Variants in TSPYL4 observed in about 807,000 individuals in gnomAD.
TSPYL4 encodes the protein TSPY like 4, also known as testis-specific Y-encoded-like protein 4.
A neutral mutation model predicts 24.2 loss-of-function variants in TSPYL4; 22 were observed. The observed-to-expected ratio is 0.91, with a 90% confidence interval of 0.65 to 1.30. TSPYL4 has a LOEUF of 1.30. Among genes scored for constraint, TSPYL4 ranks in the 50% most tolerant of loss-of-function variants. The pLI is 0.00. For missense variants in TSPYL4, 569 were observed against 536.7 expected (o/e 1.06, Z -0.60); for synonymous variants, 211 against 208.2 (o/e 1.01, Z -0.12).
At position 116,252,575 on chromosome 6, in the gene TSPYL4, C is replaced by A. The variant is rs1582893589; in HGVS notation, c.*189G>T. 1.6e-5 allele frequency: 11 copies of A among 686,966 alleles called. No individual in the cohort carries two copies. In the East Asian group the frequency reaches 2.7e-4, roughly 17 times the overall value. 42.6% of individuals were successfully genotyped at this position (686,966 alleles called of 1,614,324 possible). A position where few individuals can be genotyped will look rare whatever the true frequency, so the allele number is the denominator to read the frequency against. ...CACAATGCAGAAAAGCATGAAGGCCCAGAGGAAGAATGGCACAGGCAGGTA... is the reference window on the plus strand; with the variant it reads ...CACAATGCAGAAAAGCATGAAGGCCAAGAGGAAGAATGGCACAGGCAGGTA... On this transcript the variant is annotated 3_prime_UTR_variant, in exon 1 of 1. Coordinates refer to ENST00000420283, the MANE Select transcript of TSPYL4 (RefSeq NM_021648.5).
rs780605654 is a variant in TSPYL4 at position 116,252,287 on chromosome 6, T to C, written c.*477A>G. On this transcript the variant is annotated 3_prime_UTR_variant, in exon 1 of 1. Transcript: ENST00000420283. ...GATGGCCGGGTTAAGATATCAGTTT[T>C]GTCTTGCAGTGGTAATACCCAAATA... 1.3e-5 allele frequency: 2 copies of C among 155,318 alleles called. No homozygotes were observed. The highest frequency in any genetic ancestry group is 1.4e-5 in the Non-Finnish European group (1 of 69,814). The allele number at this position is 155,318 out of a possible 1,614,324, so 9.6% of individuals were successfully genotyped here. A position where few individuals can be genotyped will look rare whatever the true frequency, so the allele number is the denominator to read the frequency against.
rs914707488 is a variant in TSPYL4 at position 116,251,914 on chromosome 6, AGGGGGTGTTGCTGTGAGCTCCCT to A, written c.*827_*849del. 3 of 152,170 alleles carry A rather than the reference AGGGGGTGTTGCTGTGAGCTCCCT, an allele frequency of 2.0e-5. No individual in the cohort carries two copies. Among genetic ancestry groups the A allele is most frequent in the African/African-American group, 7.2e-5 (3 of 41,420 alleles). The allele number at this position is 152,170 out of a possible 1,614,324, so 9.4% of individuals were successfully genotyped here. On this transcript the variant is annotated 3_prime_UTR_variant, in exon 1 of 1. Coordinates refer to ENST00000420283, the MANE Select transcript of TSPYL4 (RefSeq NM_021648.5). ...ACATATTACTGCCCATCCTGGTGGT[AGGGGGTGTTGCTGTGAGCTCCCT>A]GGGAGCTACGTCTACAGATAGTTCC...
In TSPYL4 at chr6:116,252,816, G is replaced by A. The variant is rs1459494656; in HGVS notation, c.1193C>T (p.Pro398Leu). The change falls in exon 1 of 1, where the codon CCA becomes CTA. Residue 398 changes from proline (P) to leucine (L), a missense_variant. By Grantham distance (98) the Pro-to-Leu change is moderately conservative. Coordinates refer to ENST00000420283, the MANE Select transcript of TSPYL4 (RefSeq NM_021648.5). ...GEGPRRGIRGPPRQPVESARS... is the reference protein window; with the variant it reads ...GEGPRRGIRGLPRQPVESARS... ...GGCGCTCTCCACTGGCTGCCTTGGTGGGCCTCGAATTCCTCTACGGGGCCC... is the reference window on the plus strand; with the variant it reads ...GGCGCTCTCCACTGGCTGCCTTGGTAGGCCTCGAATTCCTCTACGGGGCCC... 5.0e-6 allele frequency: 8 copies of A among 1,598,686 alleles called. No individual in the cohort carries two copies. Among genetic ancestry groups the A allele is most frequent in the African/African-American group, 1.3e-5 (1 of 74,792 alleles).
chr6:116,253,225 G>T lies in TSPYL4; in HGVS notation c.784C>A (p.Pro262Thr). The T allele has an allele frequency of 6.2e-7, 1 of 1,614,002 alleles. No homozygotes were observed. Among genetic ancestry groups the T allele is most frequent in the African/African-American group, 1.3e-5 (1 of 75,014 alleles). Residue 262 changes from proline to threonine, a missense_variant, in exon 1 of 1, where the codon CCC becomes ACC. Physicochemically the swap from Pro to Thr is conservative, Grantham distance 38. Transcript: ENST00000420283. This position sits in a 1 kb window ranked among gnomAD's most constrained non-coding sequence, Gnocchi z 4.3. ...GFWVTAFRNH[P>T]QLSPMISGQD... ...CCACTGATCATAGGTGACAGCTGGG[G>T]GTGGTTTCGAAAGGCAGTAACCCAG...
At position 116,251,087 on chromosome 6, in the gene TSPYL4, G is replaced by T. The variant is rs1301937042; in HGVS notation, c.*1677C>A. 1 of 398,038 alleles carries T rather than the reference G, an allele frequency of 2.5e-6. No homozygotes were observed. Among genetic ancestry groups the T allele is most frequent in the Non-Finnish European group, 4.4e-6 (1 of 225,944 alleles). The allele number at this position is 398,038 out of a possible 1,614,324, so 24.7% of individuals were successfully genotyped here. A position where few individuals can be genotyped will look rare whatever the true frequency, so the allele number is the denominator to read the frequency against. On this transcript the variant is annotated 3_prime_UTR_variant, in exon 1 of 1. Transcript: ENST00000420283. The stretch of plus-strand genomic sequence containing the variant: ...TGAGGGCCAAGAAAGCCAGGCAGTA[G>T]GATGGAGACCCAAGGGACATCAGGG...
Position 116,253,302 on chromosome 6 carries a change from C to G in TSPYL4, c.707G>C (p.Arg236Pro). ...LQLERKFGRM[R>P]RLHMQRRSFI... is the part of the protein sequence containing the mutation. ...ACTTCTGCGCTGCATGTGGAGCCTT[C>G]GCATGCGGCCAAACTTGCGCTCAAG... The change falls in exon 1 of 1, where the codon CGA (arginine) becomes CCA (proline). Residue 236 changes from arginine to proline, a missense_variant. Transcript: ENST00000420283. The surrounding 1 kb of genome is among the most constrained non-coding windows in gnomAD (Gnocchi z 4.3). The G allele has an allele frequency of 6.3e-7, 1 of 1,592,468 alleles. No homozygotes were observed. Among genetic ancestry groups the G allele is most frequent in the Non-Finnish European group, 8.6e-7 (1 of 1,168,818 alleles).
Position 116,251,164 on chromosome 6 carries a change from G to A in TSPYL4, c.*1600C>T. On this transcript the variant is annotated 3_prime_UTR_variant, in exon 1 of 1. Coordinates refer to ENST00000420283, the MANE Select transcript of TSPYL4 (RefSeq NM_021648.5). ...GAGTGACCTACAAAATGCTACCCTA[G>A]AAGCAGTCCAAGGCCCAAAAAAGAA... The A allele has an allele frequency of 2.5e-6, 1 of 398,652 alleles. No individual in the cohort carries two copies. The highest frequency in any genetic ancestry group is 4.4e-6 in the Non-Finnish European group (1 of 226,106). 24.7% of individuals were successfully genotyped at this position (398,652 alleles called of 1,614,324 possible).
At position 116,252,609 on chromosome 6, in the gene TSPYL4, A is replaced by G; in HGVS notation, c.*155T>C. On this transcript the variant is annotated 3_prime_UTR_variant, in exon 1 of 1. Transcript: ENST00000420283. ...AATGGCACAGGCAGGTAAGCCAACA[A>G]TCTTGCAACCGATTACTGAAGATTT... is the stretch of plus-strand genomic sequence containing the variant. The G allele has an allele frequency of 1.0e-6, 1 of 976,516 alleles. No homozygotes were observed. The allele number at this position is 976,516 out of a possible 1,614,324, so 60.5% of individuals were successfully genotyped here.
rs754407846 is a variant in TSPYL4 at position 116,253,634 on chromosome 6, A to G, written c.375T>C (p.Pro125=). Residue 125 remains proline, a synonymous_variant, in exon 1 of 1, where the codon CCT becomes CCC. Transcript: ENST00000420283. This position sits in a 1 kb window ranked among gnomAD's most constrained non-coding sequence, Gnocchi z 4.3. ...AGGCTTCTAGAGCCTTCTGCCCAGC[A>G]GGGCCACGGGGCTCTCCAAGCTGAC... The part of the protein sequence containing the change: ...NGCQLGEPRG[P]AGQKALEACG... 3.4e-5 allele frequency: 53 copies of G among 1,554,140 alleles called. No individual in the cohort carries two copies. The African/African-American group carries it at 6.7e-4, about 20-fold the overall frequency.
chr6:116,251,235 TTGCTCAC>T lies in TSPYL4; in HGVS notation c.*1522_*1528del. Reference sequence around the variant, plus strand: ...GAGTGAGGCTAAGTTTTGGTTGCCTTTGCTCACATCACAAAGGCCTTTGCCTTTGACC... The same window carrying T: ...GAGTGAGGCTAAGTTTTGGTTGCCTTATCACAAAGGCCTTTGCCTTTGACC... On this transcript the variant is annotated 3_prime_UTR_variant, in exon 1 of 1. Coordinates refer to ENST00000420283, the MANE Select transcript of TSPYL4 (RefSeq NM_021648.5). 2.5e-6 allele frequency: 1 copy of T among 398,688 alleles called. No homozygotes were observed. 24.7% of individuals were successfully genotyped at this position (398,688 alleles called of 1,614,324 possible). A position where few individuals can be genotyped will look rare whatever the true frequency, so the allele number is the denominator to read the frequency against.
At position 116,253,663 on chromosome 6, in the gene TSPYL4, C is replaced by CCT. The variant is rs1251243279; in HGVS notation, c.345_346insAG (p.Gly116ArgfsTer17). On this transcript the variant is annotated frameshift_variant, in exon 1 of 1. Transcript: ENST00000420283. LOFTEE classifies it high-confidence loss of function. The surrounding 1 kb of genome is among the most constrained non-coding windows in gnomAD (Gnocchi z 4.3). ...CCACGGGGCTCTCCAAGCTGACAGC[C>CCT]ATTTTTCTGGCTGCTGTCAGCAGCC... The CCT allele has an allele frequency of 2.6e-5, 40 of 1,556,588 alleles. No homozygotes were observed. Among genetic ancestry groups the CCT allele is most frequent in the Non-Finnish European group, 3.4e-5 (39 of 1,148,482 alleles).
Position 116,251,239 on chromosome 6 carries a change from T to C in TSPYL4, c.*1525A>G, listed in dbSNP as rs1030430818. 8 of 398,598 alleles carry C rather than the reference T, an allele frequency of 2.0e-5. No individual in the cohort carries two copies. Among genetic ancestry groups the C allele is most frequent in the African/African-American group, 1.2e-4 (6 of 48,646 alleles). The allele number at this position is 398,598 out of a possible 1,614,324, so 24.7% of individuals were successfully genotyped here. On this transcript the variant is annotated 3_prime_UTR_variant, in exon 1 of 1. Transcript: ENST00000420283. ...GAGGCTAAGTTTTGGTTGCCTTTGC[T>C]CACATCACAAAGGCCTTTGCCTTTG...
In TSPYL4 at chr6:116,252,898, C is replaced by T. The variant is rs192234043; in HGVS notation, c.1111G>A (p.Glu371Lys). 2.4e-4 allele frequency: 380 copies of T among 1,609,946 alleles called. No individual in the cohort carries two copies. Among genetic ancestry groups the T allele is most frequent in the Non-Finnish European group, 3.2e-4 (372 of 1,177,760 alleles). The stretch of plus-strand genomic sequence containing the variant: ...GGCCACAGTTCTCCTTTGATAATCT[C>T]TGCAATTCTGTCGAATTCTAGAAGG... ...HSLLEFDRIAEIIKGELWPNP... is the reference protein window; with the variant it reads ...HSLLEFDRIAKIIKGELWPNP... The change falls in exon 1 of 1, where the codon GAG (glutamate) becomes AAG (lysine). Residue 371 changes from glutamate (E) to lysine (K), a missense_variant. Transcript: ENST00000420283.
chr6:116,253,608 C>T lies in TSPYL4; in HGVS notation c.401G>A (p.Cys134Tyr), dbSNP rs1378415584. 3 of 1,553,080 alleles carry T rather than the reference C, an allele frequency of 1.9e-6. No homozygotes were observed. Among genetic ancestry groups the T allele is most frequent in the African/African-American group, 1.4e-5 (1 of 73,262 alleles). ...CTGAGACCCCAAGCCCCCTGCGCCA[C>T]AGGCTTCTAGAGCCTTCTGCCCAGC... ...GPAGQKALEA[C>Y]GAGGLGSQMI... Residue 134 changes from cysteine to tyrosine, a missense_variant, in exon 1 of 1, where the codon TGT becomes TAT. Physicochemically the swap from Cys to Tyr is radical, Grantham distance 194. Coordinates refer to ENST00000420283, the MANE Select transcript of TSPYL4 (RefSeq NM_021648.5). This position sits in a 1 kb window ranked among gnomAD's most constrained non-coding sequence, Gnocchi z 4.3.
rs1771986012 is a variant in TSPYL4, at chr6:116,253,071, T to C, written c.938A>G (p.Lys313Arg). The C allele has an allele frequency of 6.2e-7, 1 of 1,614,174 alleles. No individual in the cohort carries two copies. Among genetic ancestry groups the C allele is most frequent in the Non-Finnish European group, 8.5e-7 (1 of 1,180,028 alleles). ...GCCAGAGGATCTGCGTTCATATTCC[T>C]TGACAAGCCCCTCATTTCGGAAGTA... ...NPYFRNEGLV[K>R]EYERRSSGRV... is the part of the protein sequence containing the mutation. The change falls in exon 1 of 1, where the codon AAG (lysine) becomes AGG (arginine). Residue 313 changes from lysine to arginine, a missense_variant. By Grantham distance (26) the Lys-to-Arg change is conservative. Coordinates refer to ENST00000420283, the MANE Select transcript of TSPYL4 (RefSeq NM_021648.5). The surrounding 1 kb of genome is among the most constrained non-coding windows in gnomAD (Gnocchi z 4.3).
chr6:116,253,916 G>A lies in TSPYL4; in HGVS notation c.93C>T (p.Asp31=). Residue 31 remains aspartate (D), a synonymous_variant, in exon 1 of 1, where the codon GAC becomes GAT. Coordinates refer to ENST00000420283, the MANE Select transcript of TSPYL4 (RefSeq NM_021648.5). The surrounding 1 kb of genome is among the most constrained non-coding windows in gnomAD (Gnocchi z 4.3). The stretch of plus-strand genomic sequence containing the variant: ...TTTCTTCACGGAGCCCTTGGCACTG[G>A]TCTCGGTCCGGATCTCCTGAGGCAT... ...PDHASGDPDR[D]QCQGLREETE... 6.2e-7 allele frequency: 1 copy of A among 1,613,820 alleles called. No homozygotes were observed. Among genetic ancestry groups the A allele is most frequent in the Non-Finnish European group, 8.5e-7 (1 of 1,179,840 alleles).
rs776343865 is a variant in TSPYL4, at chr6:116,253,930, C to T, written c.79G>A (p.Asp27Asn). The T allele has an allele frequency of 2.5e-6, 4 of 1,613,374 alleles. No individual in the cohort carries two copies. The East Asian group carries it at 8.9e-5, about 36-fold the overall frequency. Reference protein sequence around the residue: ...GLAAPDHASGDPDRDQCQGLR... With the variant: ...GLAAPDHASGNPDRDQCQGLR... ...CCTTGGCACTGGTCTCGGTCCGGAT[C>T]TCCTGAGGCATGGTCGGGAGCAGCC... The change falls in exon 1 of 1, where the codon GAT becomes AAT. Residue 27 changes from aspartate to asparagine, a missense_variant. By Grantham distance (23) the Asp-to-Asn change is conservative. Coordinates refer to ENST00000420283, the MANE Select transcript of TSPYL4 (RefSeq NM_021648.5). The surrounding 1 kb of genome is among the most constrained non-coding windows in gnomAD (Gnocchi z 4.3).
chr6:116,253,669 TCTGGCTGCTG>T lies in TSPYL4; in HGVS notation c.330_339del (p.Asp110GlufsTer19), dbSNP rs747801085. 1.2e-5 allele frequency: 18 copies of T among 1,557,086 alleles called. No homozygotes were observed. The highest frequency in any genetic ancestry group is 1.6e-5 in the Non-Finnish European group (18 of 1,148,776). On this transcript the variant is annotated frameshift_variant, in exon 1 of 1. Coordinates refer to ENST00000420283, the MANE Select transcript of TSPYL4 (RefSeq NM_021648.5). LOFTEE classifies it high-confidence loss of function. The surrounding 1 kb of genome is among the most constrained non-coding windows in gnomAD (Gnocchi z 4.3). ...GGCTCTCCAAGCTGACAGCCATTTT[TCTGGCTGCTG>T]TCAGCAGCCTCGGCGGCAGAGGCTG...
Position 116,253,353 on chromosome 6 carries a change from G to A in TSPYL4, c.656C>T (p.Ala219Val). The A allele has an allele frequency of 1.9e-6, 3 of 1,558,004 alleles. No homozygotes were observed. Among genetic ancestry groups the A allele is most frequent in the Non-Finnish European group, 2.6e-6 (3 of 1,150,354 alleles). ...CTGAAGGAAGGCCCTGTCAGCCTGG[G>A]CATTTACGTTTGACAACTCTTGATC... ...AIDQELSNVN[A>V]QADRAFLQLE... Residue 219 changes from alanine to valine, a missense_variant, in exon 1 of 1, where the codon GCC becomes GTC. Transcript: ENST00000420283. This position sits in a 1 kb window ranked among gnomAD's most constrained non-coding sequence, Gnocchi z 4.3.
Sources: gnomAD v4.1 joint callset for allele counts on GRCh38, gnomAD v4.1.1 for gene constraint, Gnocchi (gnomAD v3.1) non-coding constraint, MANE v1.5 for transcripts, NCBI Gene and HGNC (gene_info 2026-07-23, HGNC 2026-07-21) for gene names.